The following SPATA21 variants were observed in gnomAD, a reference collection of about 807,000 sequenced individuals.
The protein encoded by SPATA21 is spermatogenesis associated 21.
A neutral mutation model predicts 54.8 loss-of-function variants in SPATA21; 47 were observed. That is an observed-to-expected ratio of 0.86 (90% confidence interval 0.68 to 1.09). The LOEUF (loss-of-function observed/expected upper bound fraction) is 1.09. SPATA21 is among the 50% of genes least tolerant of loss of function. The pLI is 0.00. For missense variants in SPATA21, 599 were observed against 596.4 expected (o/e 1.00, Z -0.05); for synonymous variants, 245 against 235.3 (o/e 1.04, Z -0.38).
At chr1:16,430,018 A>T (rs995046809) in intron 3 of SPATA21, among the ~76,000 whole-genome samples, 1 of 149,618 alleles carries the variant, frequency 6.7e-6, no homozygotes, top group African/African-American at 2.5e-5. Context: ...TACAAAAAAA[A>T]TTAGACGGAA....
Position 16,400,847 on chromosome 1 carries a change from C to T in SPATA21, c.1047G>A (p.Glu349=). 6.2e-7 allele frequency: 1 copy of T among 1,613,980 alleles called. No individual in the cohort carries two copies. Among genetic ancestry groups the T allele is most frequent in the East Asian group, 2.2e-5 (1 of 44,886 alleles). Residue 349 remains glutamate, a synonymous_variant, in exon 11 of 13, where the codon GAG becomes GAA. Coordinates refer to ENST00000335496, the MANE Select transcript of SPATA21 (RefSeq NM_198546.1). ...KLKEGTCKAQ[E]MEAAVGRLRL... ...GCAGCCGGCCTACGGCCGCTTCCATCTCCTGGGCCTTGCAGGTGCCTTCCT... is the reference window on the plus strand; with the variant it reads ...GCAGCCGGCCTACGGCCGCTTCCATTTCCTGGGCCTTGCAGGTGCCTTCCT...
chr1:16,435,216 T>A (rs78706263), intron 1 of SPATA21, among the ~76,000 whole-genome samples: 4,290 of 152,262 alleles, frequency 0.028, 98 homozygotes, highest in Admixed American at 0.039. Context: ...TATCTCATTC[T>A]GATTTTGATT....
upstream of SPATA21, among the ~76,000 whole-genome samples, chr1:16,437,662 G>A (rs2086614927): frequency 6.6e-6 from 1 of 152,060 alleles, no homozygotes. Context: ...AGGATGGTAG[G>A]AGCTGGATTG....
chr1:16,426,030 G>A (rs1260677701), intron 3 of SPATA21, among the ~76,000 whole-genome samples: 1 of 151,912 alleles, frequency 6.6e-6, no homozygotes, highest in Non-Finnish European at 1.5e-5. Flanking sequence ...TTAGAGGTAC[G>A]TGCCATTGCA....
At chr1:16,422,120 G>A in intron 3 of SPATA21, 149 bp from the exon 4 acceptor site, 3 of 1,514,182 alleles carry the variant, frequency 2.0e-6, no homozygotes, top group East Asian at 2.3e-5. Flanking sequence ...GGCCATGGCT[G>A]GCCAAGCGGC....
At chr1:16,426,579 A>ATAT (rs1401259793) in intron 3 of SPATA21, among the ~76,000 whole-genome samples, 15 of 107,152 alleles carry the variant, frequency 1.4e-4, no homozygotes, top group Admixed American at 3.0e-4. Flanking sequence ...ATATATATAT[A>ATAT]TTTTTTTTTT....
intron 5 of SPATA21, among the ~76,000 whole-genome samples, chr1:16,413,243 T>C (rs142800740): frequency 6.6e-6 from 1 of 152,354 alleles, no homozygotes; most frequent in East Asian, 1.9e-4. Flanking sequence ...CAGATTTGAC[T>C]AAGAATCTCA....
chr1:16,429,458 A>G (rs1557673143), intron 3 of SPATA21, among the ~76,000 whole-genome samples: 1 of 150,760 alleles, frequency 6.6e-6, no homozygotes, highest in African/African-American at 2.4e-5. Flanking sequence ...ATTGTATTTT[A>G]TTTATTTGTT....
chr1:16,421,876 T>C lies in SPATA21; in HGVS notation c.95+35A>G, dbSNP rs1453126693. The C allele has an allele frequency of 2.5e-6, 4 of 1,614,076 alleles. No homozygotes were observed. The highest frequency in any genetic ancestry group is 2.5e-6 in the Non-Finnish European group (3 of 1,179,906). ...GAAACTCAGCAGAAGAGCATCCTTG[T>C]TGGGGGCAGGGGATGGCACTGGATG... On this transcript the variant is annotated intron_variant, in intron 4 of 12. Coordinates refer to ENST00000335496, the MANE Select transcript of SPATA21 (RefSeq NM_198546.1). The surrounding 1 kb of genome is among the most constrained non-coding windows in gnomAD (Gnocchi z 5.2).
rs1351298859 is a variant in SPATA21 at position 16,428,028 on chromosome 1, A to G, written c.34+3310T>C. ...CCGGAAACATGACCTGGACAGAGAT[A>G]TCCATGGCAGTGGCTTGAGGGCTGG... On this transcript the variant is annotated intron_variant, in intron 3 of 12. Coordinates refer to ENST00000335496, the MANE Select transcript of SPATA21 (RefSeq NM_198546.1). The surrounding 1 kb of genome is among the most constrained non-coding windows in gnomAD (Gnocchi z 4.3). 1 of 1,540,432 alleles carries G rather than the reference A, an allele frequency of 6.5e-7. No individual in the cohort carries two copies. Among genetic ancestry groups the G allele is most frequent in the South Asian group, 1.2e-5 (1 of 83,908 alleles).
chr1:16,431,298 A>G, intron 3 of SPATA21, 40 bp downstream of exon 3: 1 of 1,614,104 alleles, frequency 6.2e-7, no homozygotes, highest in Non-Finnish European at 8.5e-7. Context: ...GGTGATCCTC[A>G]GGCCAGGACT....
Position 16,421,906 on chromosome 1 carries a change from C to T in SPATA21, c.95+5G>A, listed in dbSNP as rs989531313. The T allele has an allele frequency of 1.9e-6, 3 of 1,614,066 alleles. No individual in the cohort carries two copies. Among genetic ancestry groups the T allele is most frequent in the Non-Finnish European group, 1.7e-6 (2 of 1,180,036 alleles). The stretch of plus-strand genomic sequence containing the variant: ...GGCAGGGGATGGCACTGGATGATGA[C>T]TTACCCTCCTTTTGCTTTTTTAGGT... On this transcript the variant is annotated splice_donor_5th_base_variant and intron_variant, in intron 4 of 12. Coordinates refer to ENST00000335496, the MANE Select transcript of SPATA21 (RefSeq NM_198546.1). The surrounding 1 kb of genome is among the most constrained non-coding windows in gnomAD (Gnocchi z 5.2).
intron 2 of SPATA21, among the ~76,000 whole-genome samples, chr1:16,432,112 TTC>T (rs1346325544): frequency 1.7e-5 from 2 of 119,708 alleles, no homozygotes; most frequent in African/African-American, 3.1e-5. Context: ...CTTCTTCTTC[TTC>T]TTTTTTTTTT....
chr1:16,416,649 C>A (rs2086015588), intron 5 of SPATA21, among the ~76,000 whole-genome samples: 1 of 149,732 alleles, frequency 6.7e-6, no homozygotes, highest in Non-Finnish European at 1.5e-5. Flanking sequence ...CTACAGCACT[C>A]CAGCCTGGGC....
intron 5 of SPATA21, among the ~76,000 whole-genome samples, chr1:16,414,486 T>C (rs1027680002): frequency 1.3e-5 from 2 of 152,240 alleles, no homozygotes; most frequent in African/African-American, 2.4e-5. Context: ...TTGTCCTCAA[T>C]ATGTATGTTA....
chr1:16,431,229 G>C, intron 3 of SPATA21, 109 bp downstream of exon 3: 1 of 1,602,046 alleles, frequency 6.2e-7, no homozygotes, highest in Non-Finnish European at 8.5e-7. Context: ...AGAACATGGG[G>C]TGCAGGTCCC....
intron 3 of SPATA21, chr1:16,425,356 T>C (rs1557669465): frequency 3.1e-5 from 22 of 711,298 alleles, no homozygotes; most frequent in South Asian, 3.1e-4. Context: ...ACATAGCTCA[T>C]TGTAGCCTTG....
intron 3 of SPATA21, among the ~76,000 whole-genome samples, chr1:16,430,024 CG>C (rs2086418475): frequency 7.0e-6 from 1 of 143,268 alleles, no homozygotes; most frequent in African/African-American, 2.6e-5. Context: ...AAAAATTAGA[CG>C]GAAATCATTT....
rs914765528 is a variant in SPATA21 at position 16,409,316 on chromosome 1, A to T, written c.588-113T>A. 8.9e-6 allele frequency: 10 copies of T among 1,127,964 alleles called. No homozygotes were observed. The highest frequency in any genetic ancestry group is 1.3e-5 in the Non-Finnish European group (10 of 776,276). The allele number at this position is 1,127,964 out of a possible 1,614,324, so 69.9% of individuals were successfully genotyped here. A position where few individuals can be genotyped will look rare whatever the true frequency, so the allele number is the denominator to read the frequency against. On this transcript the variant is annotated intron_variant, in intron 6 of 12. Transcript: ENST00000335496. The surrounding 1 kb of genome is among the most constrained non-coding windows in gnomAD (Gnocchi z 4.1). ...GGAGGTCGTGGGGGAGGCTTTGGGG[A>T]GCCCGGAGAGATCAAGAATGGCAGG...
Sources: gnomAD v4.1 joint callset for allele counts (sites outside exome capture counted in the v4.1 genomes callset) on GRCh38, gnomAD v4.1.1 for gene constraint, Gnocchi (gnomAD v3.1) non-coding constraint, MANE v1.5 for transcripts, NCBI Gene and HGNC (gene_info 2026-07-23, HGNC 2026-07-21) for gene names.